The following DIS3L2 variants were observed in gnomAD, a reference collection of about 807,000 sequenced individuals.
DIS3L2 encodes DIS3-like exonuclease 2.
In DIS3L2, 34 loss-of-function variants were observed where a neutral mutation model predicts 97.5. The observed-to-expected ratio is 0.35, with a 90% CI of 0.27 to 0.46. DIS3L2 has a LOEUF of 0.46. Among genes scored for constraint, DIS3L2 ranks in the 20% least tolerant of loss-of-function variants. The pLI is 1.00. For missense variants in DIS3L2, 1,038 were observed against 1,146.0 expected (o/e 0.91, Z 1.36); for synonymous variants, 435 against 445.2 (o/e 0.98, Z 0.29).
rs1416545495 is a variant in DIS3L2, at chr2:232,266,377, G to A, written c.1659+2937G>A. 5.3e-5 allele frequency among the ~76,000 whole-genome samples: 8 copies of A among 152,306 alleles called. No individual in the cohort carries two copies. In the East Asian group the frequency reaches 1.5e-3, roughly 29 times the overall value. On this transcript the variant is annotated intron_variant, in intron 13 of 20. Coordinates refer to ENST00000325385, the MANE Select transcript of DIS3L2 (RefSeq NM_152383.5). ...TGCTTATATGCAAGAAATTCAAATTGCCCTGTGTTCACTTTGCCTTCATTT... is the reference window on the plus strand; with the variant it reads ...TGCTTATATGCAAGAAATTCAAATTACCCTGTGTTCACTTTGCCTTCATTT...
At chr2:232,314,354 C>G (rs964251951) in intron 14 of DIS3L2, among the ~76,000 whole-genome samples, 17 of 151,518 alleles carry the variant, frequency 1.1e-4, no homozygotes, top group Non-Finnish European at 1.0e-4. Context: ...ATGCATCCTA[C>G]ATGGGTTCAC....
At chr2:232,308,121 G>A (rs532653323) in intron 14 of DIS3L2, among the ~76,000 whole-genome samples, 47 of 152,362 alleles carry the variant, frequency 3.1e-4, no homozygotes, top group Middle Eastern at 3.4e-3. Flanking sequence ...GGCCAGTCAC[G>A]CTGCTTGGCA....
intron 8 of DIS3L2, among the ~76,000 whole-genome samples, chr2:232,162,464 T>A (rs1337748005): frequency 6.6e-6 from 1 of 152,240 alleles, no homozygotes; most frequent in Non-Finnish European, 1.5e-5. Flanking sequence ...CCCCTATTCC[T>A]CTTTACCACT....
chr2:232,199,454 C>T (rs1417074870), intron 9 of DIS3L2, among the ~76,000 whole-genome samples: 1 of 152,166 alleles, frequency 6.6e-6, no homozygotes, highest in East Asian at 1.9e-4. Context: ...CTCACCTCCC[C>T]ATCCCAGCTT....
rs143888592 is a variant in DIS3L2, at chr2:232,033,276, C to T, written c.366+3196C>T. 9.5e-3 allele frequency among the ~76,000 whole-genome samples: 1,413 copies of T among 149,450 alleles called. 9 individuals carry two copies. Among genetic ancestry groups the T allele is most frequent in the South Asian group, 0.017 (81 of 4,774 alleles). ...GGAGTTTGCTCATGATTTGGCACTC[C>T]ATTATTGGTGTATAGGAACGCTTGT... On this transcript the variant is annotated intron_variant, in intron 5 of 20. Transcript: ENST00000325385.
chr2:231,995,767 A>T (rs1693715278), intron 1 of DIS3L2, among the ~76,000 whole-genome samples: 1 of 152,194 alleles, frequency 6.6e-6, no homozygotes, highest in African/African-American at 2.4e-5. Flanking sequence ...TATTTTGTTT[A>T]GCAGTTATAA....
intron 6 of DIS3L2, among the ~76,000 whole-genome samples, chr2:232,107,136 G>A (rs1035899497): frequency 2.0e-5 from 3 of 152,032 alleles, no homozygotes; most frequent in African/African-American, 4.8e-5. Context: ...AGCAATAAAC[G>A]CCCACATCAA....
At chr2:232,125,288 T>C (rs2106344953) in intron 6 of DIS3L2, among the ~76,000 whole-genome samples, 1 of 152,352 alleles carries the variant, frequency 6.6e-6, no homozygotes, top group African/African-American at 2.4e-5. Flanking sequence ...CCTTCCAACA[T>C]AGGAGCGAGC....
At chr2:231,994,599 C>T (rs1693679398) in intron 1 of DIS3L2, among the ~76,000 whole-genome samples, 3 of 152,160 alleles carry the variant, frequency 2.0e-5, no homozygotes, top group African/African-American at 7.2e-5. Flanking sequence ...TTGAAAACCA[C>T]ATCAGACAAT....
rs539257179 is a variant in DIS3L2 at position 232,252,698 on chromosome 2, C to T, written c.1425+3352C>T. Reference sequence around the variant, plus strand: ...GGCAGATTGCTTGACCCCAGGAGTTCGAGATCAGCTTGGGCAACATATTGA... The same window carrying T: ...GGCAGATTGCTTGACCCCAGGAGTTTGAGATCAGCTTGGGCAACATATTGA... On this transcript the variant is annotated intron_variant, in intron 12 of 20. Transcript: ENST00000325385. Among the ~76,000 whole-genome samples the T allele has an allele frequency of 8.5e-5, 13 of 152,144 alleles. No homozygotes were observed. The East Asian group carries it at 1.4e-3, about 16-fold the overall frequency.
intron 5 of DIS3L2, among the ~76,000 whole-genome samples, chr2:232,075,057 G>A (rs1408005599): frequency 6.6e-6 from 1 of 152,202 alleles, no homozygotes. Flanking sequence ...TGCAATGTGT[G>A]TCAGGGATGG....
chr2:232,001,967 C>A (rs1013384874), intron 1 of DIS3L2, among the ~76,000 whole-genome samples: 1 of 152,010 alleles, frequency 6.6e-6, no homozygotes, highest in African/African-American at 2.4e-5. Context: ...GTGATCCACC[C>A]GCCTTGGCCT....
At chr2:232,322,981 A>G (rs1695478357) in intron 14 of DIS3L2, among the ~76,000 whole-genome samples, 1 of 152,230 alleles carries the variant, frequency 6.6e-6, no homozygotes, top group African/African-American at 2.4e-5. Flanking sequence ...ACCCCTGGCC[A>G]GGAGCAAGCA....
At chr2:232,288,774 C>G (rs1050961133) in intron 13 of DIS3L2, among the ~76,000 whole-genome samples, 2 of 152,172 alleles carry the variant, frequency 1.3e-5, no homozygotes, top group Non-Finnish European at 2.9e-5. Context: ...TTTCATCAGT[C>G]TGTGTTTAAA....
chr2:232,131,090 T>C (rs937235086), intron 7 of DIS3L2: 8 of 185,966 alleles, frequency 4.3e-5, no homozygotes, highest in African/African-American at 1.9e-4. Context: ...GTACAGTTTT[T>C]GCTCCAATTT....
intron 9 of DIS3L2, among the ~76,000 whole-genome samples, chr2:232,194,509 G>T (rs1691695757): frequency 6.6e-6 from 1 of 152,154 alleles, no homozygotes; most frequent in Non-Finnish European, 1.5e-5. Flanking sequence ...AATCATGGAG[G>T]ATACTGGATG....
At chr2:232,316,719 A>C (rs570675184) in intron 14 of DIS3L2, among the ~76,000 whole-genome samples, 7 of 152,356 alleles carry the variant, frequency 4.6e-5, no homozygotes, top group Admixed American at 4.6e-4. Context: ...CAAAGACATA[A>C]GATCAAATGT....
At chr2:232,110,147 T>C (rs1314603775) in intron 6 of DIS3L2, among the ~76,000 whole-genome samples, 1 of 152,048 alleles carries the variant, frequency 6.6e-6, no homozygotes, top group Non-Finnish European at 1.5e-5. Flanking sequence ...AGAACCACAA[T>C]GAGATACCAT....
At chr2:232,196,669 T>C (rs190862417) in intron 9 of DIS3L2, among the ~76,000 whole-genome samples, 9 of 151,996 alleles carry the variant, frequency 5.9e-5, no homozygotes, top group Admixed American at 3.9e-4. Context: ...GACCACTTTA[T>C]CTTGCTCCTA....
Sources: allele counts gnomAD v4.1 joint callset (sites outside exome capture counted in the v4.1 genomes callset), GRCh38; gene constraint gnomAD v4.1.1; transcripts MANE v1.5; gene names NCBI Gene and HGNC (gene_info 2026-07-23, HGNC 2026-07-21).